The following SMARCA2 variants were observed in gnomAD, a reference collection of about 807,000 sequenced individuals.
SMARCA2 encodes SWI/SNF related BAF chromatin remodeling complex subunit ATPase 2.
Under a neutral mutation model 199.8 loss-of-function variants are expected in SMARCA2, and 61 were observed. The ratio of observed to expected loss-of-function variants is 0.31; its 90% CI spans 0.25 to 0.38. The LOEUF (loss-of-function observed/expected upper bound fraction) is 0.38. SMARCA2 is among the 10% of genes least tolerant of loss of function. The pLI is 1.00. For missense variants in SMARCA2, 1,344 were observed against 2,012.2 expected, an observed-to-expected ratio of 0.67 and a Z score of 6.35; for synonymous variants, 935 against 732.0, an observed-to-expected ratio of 1.28 and a Z score of -4.48.
intron 33 of SMARCA2, 119 bp downstream of exon 33, chr9:2,191,527 AT>A: frequency 4.7e-6 from 5 of 1,061,190 alleles, no homozygotes; most frequent in Non-Finnish European, 7.0e-6. Context: ...AAATGTCAGG[AT>A]TTAGTGAGAT....
intron 19 of SMARCA2, among the ~76,000 whole-genome samples, chr9:2,092,572 C>T (rs1822104598): frequency 6.6e-6 from 1 of 152,122 alleles, no homozygotes; most frequent in African/African-American, 2.4e-5. Flanking sequence ...AGTATTCAGG[C>T]AGAAGCTATG....
chr9:2,082,126 A>G (rs1821590824), intron 15 of SMARCA2, 131 bp downstream of exon 15: 5 of 758,772 alleles, frequency 6.6e-6, no homozygotes, highest in South Asian at 4.0e-5. Context: ...TACCAAGAGC[A>G]TGTAATCTGG....
chr9:2,143,812 G>T (rs908815184), intron 27 of SMARCA2, among the ~76,000 whole-genome samples: 1 of 152,158 alleles, frequency 6.6e-6, no homozygotes, highest in African/African-American at 2.4e-5. Flanking sequence ...ATTCCCAATT[G>T]GTGACTCCAA....
rs758300322 is a variant in SMARCA2, at chr9:2,149,293, G to A, written c.3982-12393G>A. 1.1e-4 allele frequency among the ~76,000 whole-genome samples: 17 copies of A among 150,750 alleles called. 1 individual carries two copies. Among genetic ancestry groups the A allele is most frequent in the Non-Finnish European group, 2.1e-4 (14 of 67,396 alleles). Reference sequence around the variant, plus strand: ...AGCACTTTGGGAGGCTGAGGCAGGTGGATCACCTGAGGTCAGGAGTTCAAG... The same window carrying A: ...AGCACTTTGGGAGGCTGAGGCAGGTAGATCACCTGAGGTCAGGAGTTCAAG... On this transcript the variant is annotated intron_variant, in intron 27 of 33. Transcript: ENST00000349721.
At chr9:2,018,962 T>C (rs759296037) in intron 1 of SMARCA2, among the ~76,000 whole-genome samples, 2 of 152,200 alleles carry the variant, frequency 1.3e-5, no homozygotes, top group African/African-American at 2.4e-5. Context: ...TGCTGCATTG[T>C]TATGCAAAAT....
At chr9:2,129,360 T>C (rs6475519) in intron 27 of SMARCA2, among the ~76,000 whole-genome samples, 3 of 151,872 alleles carry the variant, frequency 2.0e-5, no homozygotes, top group Non-Finnish European at 4.4e-5. Flanking sequence ...AGAGGTTACA[T>C]TGAGCCGAGA....
At chr9:2,034,006 G>T (rs1195351363) in intron 3 of SMARCA2, among the ~76,000 whole-genome samples, 2 of 152,060 alleles carry the variant, frequency 1.3e-5, no homozygotes, top group African/African-American at 4.8e-5. Flanking sequence ...CAGCGCTTTG[G>T]GAGGCTGAGA....
rs1400600245 is a variant in SMARCA2, at chr9:2,192,782, C to A, written c.*43C>A. The A allele has an allele frequency of 1.4e-6, 2 of 1,450,606 alleles. No homozygotes were observed. The highest frequency in any genetic ancestry group is 1.1e-5 in the South Asian group (1 of 87,462). 89.9% of individuals were successfully genotyped at this position (1,450,606 alleles called of 1,614,324 possible). A position where few individuals can be genotyped will look rare whatever the true frequency, so the allele number is the denominator to read the frequency against. ...CCTTGGTAGAACTGAATTCCTTCCT[C>A]CCCTGTCTCATTTCTACCCAGTGAG... On this transcript the variant is annotated 3_prime_UTR_variant, in exon 34 of 34. Coordinates refer to ENST00000349721, the MANE Select transcript of SMARCA2 (RefSeq NM_003070.5).
chr9:2,024,541 A>C (rs145010583), intron 1 of SMARCA2, among the ~76,000 whole-genome samples: 4 of 152,274 alleles, frequency 2.6e-5, no homozygotes, highest in African/African-American at 9.6e-5. Context: ...TCTTCTTTTC[A>C]CATTCCAGGG....
At chr9:2,191,620 T>C in intron 33 of SMARCA2, 2 of 435,458 alleles carry the variant, frequency 4.6e-6, no homozygotes, top group Non-Finnish European at 8.2e-6. Flanking sequence ...TTTAATAGTC[T>C]TCAAAAATGA....
intron 12 of SMARCA2, 23 bp downstream of exon 12, chr9:2,073,646 G>C (rs370103606): frequency 4.2e-5 from 66 of 1,559,294 alleles, no homozygotes; most frequent in Non-Finnish European, 5.4e-5. Context: ...CTCTGTTTGG[G>C]GTTTATTGGT....
chr9:2,188,729 C>T (rs971819631), intron 32 of SMARCA2, among the ~76,000 whole-genome samples: 1 of 152,236 alleles, frequency 6.6e-6, no homozygotes, highest in Non-Finnish European at 1.5e-5. Context: ...ACAGGTTCAG[C>T]ATGAGTCTCC....
chr9:2,168,266 C>T (rs949985107), intron 28 of SMARCA2, among the ~76,000 whole-genome samples: 6 of 152,150 alleles, frequency 3.9e-5, no homozygotes, highest in East Asian at 1.9e-4. Context: ...CTTTCTCAGC[C>T]TCCCAAAGTG....
intron 1 of SMARCA2, among the ~76,000 whole-genome samples, chr9:2,019,408 C>G (rs906951917): frequency 6.8e-6 from 1 of 146,314 alleles, no homozygotes; most frequent in African/African-American, 2.5e-5. Flanking sequence ...TAGATCTTTT[C>G]TTTTGTTCGT....
chr9:2,088,656 A>T (rs754089554), intron 19 of SMARCA2, 43 bp downstream of exon 19: 2 of 1,369,438 alleles, frequency 1.5e-6, no homozygotes, highest in Non-Finnish European at 2.0e-6. Context: ...TTTTTCCTCC[A>T]GCAAATATAT....
intron 19 of SMARCA2, among the ~76,000 whole-genome samples, chr9:2,096,260 C>T (rs2130523756): frequency 6.6e-6 from 1 of 152,306 alleles, no homozygotes; most frequent in Middle Eastern, 3.4e-3. Flanking sequence ...TTGCCAGTCA[C>T]TGCTTTTCCT....
At chr9:2,020,512 A>G (rs1414835143) in intron 1 of SMARCA2, among the ~76,000 whole-genome samples, 1 of 152,214 alleles carries the variant, frequency 6.6e-6, no homozygotes, top group East Asian at 1.9e-4. Flanking sequence ...ACTAGGGACT[A>G]TAGGAGTCTA....
At chr9:2,160,241 C>G (rs1010147870) in intron 27 of SMARCA2, 2 of 372,656 alleles carry the variant, frequency 5.4e-6, no homozygotes, top group Non-Finnish European at 9.6e-6. Flanking sequence ...TTCCTTTTTC[C>G]TCATAACTCA....
intron 19 of SMARCA2, among the ~76,000 whole-genome samples, chr9:2,093,133 G>A (rs1025966265): frequency 1.3e-5 from 2 of 152,180 alleles, no homozygotes; most frequent in African/African-American, 4.8e-5. Flanking sequence ...TGGCTGTGGA[G>A]ATGAGGGCTA....
Sources: gnomAD v4.1 joint callset for allele counts (sites outside exome capture counted in the v4.1 genomes callset) on GRCh38, gnomAD v4.1.1 for gene constraint, MANE v1.5 for transcripts, NCBI Gene and HGNC (gene_info 2026-07-23, HGNC 2026-07-21) for gene names.